ARMC9: variants seen among roughly 807,000 people sequenced by gnomAD.
The protein encoded by ARMC9 is lisH domain-containing protein ARMC9.
Under a neutral mutation model 107.0 loss-of-function variants are expected in ARMC9, and 94 were observed. The ratio of observed to expected loss-of-function variants is 0.88; its 90% CI spans 0.74 to 1.04. The LOEUF (loss-of-function observed/expected upper bound fraction) is 1.04, where lower values mean the gene tolerates loss of function less well. Among genes scored for constraint, ARMC9 ranks in the 50% least tolerant of loss-of-function variants. The probability of loss-of-function intolerance (pLI) is 0.00; values close to 1 mark genes in which losing one functional copy is unlikely to be tolerated. For synonymous variants in ARMC9, 380 were observed against 396.9 expected (o/e 0.96, Z 0.51); for missense variants, 942 against 1,030.1 (o/e 0.91, Z 1.17).
intron 8 of ARMC9, among the ~76,000 whole-genome samples, chr2:231,237,755 A>ATATATATATATG (rs532571320): frequency 2.2e-3 from 48 of 22,036 alleles, no homozygotes; most frequent in African/African-American, 7.0e-3. Context: ...GGCTATATGT[A>ATATATATATATG]TATATATATA....
intron 19 of ARMC9, among the ~76,000 whole-genome samples, chr2:231,330,631 C>T (rs910709496): frequency 6.6e-6 from 1 of 152,168 alleles, no homozygotes; most frequent in Non-Finnish European, 1.5e-5. Flanking sequence ...GAGAACCCAC[C>T]GCCAGGGGTG....
chr2:231,284,421 CCTAA>C (rs1307373571), intron 17 of ARMC9, among the ~76,000 whole-genome samples: 1 of 152,230 alleles, frequency 6.6e-6, no homozygotes, highest in African/African-American at 2.4e-5. Context: ...GCAGCGTAGT[CCTAA>C]CTAAGAGTTG....
rs1456745810 is a variant in ARMC9, at chr2:231,375,864, A to G, written c.*4329A>G. Among the ~76,000 whole-genome samples the G allele has an allele frequency of 6.6e-6, 1 of 152,212 alleles. No homozygotes were observed. The highest frequency in any genetic ancestry group is 6.5e-5 in the Admixed American group (1 of 15,286). On this transcript the variant is annotated 3_prime_UTR_variant, in exon 25 of 25. Coordinates refer to ENST00000611582, the MANE Select transcript of ARMC9 (RefSeq NM_001352754.2). The surrounding 1 kb of genome is among the most constrained non-coding windows in gnomAD (Gnocchi z 4.3). ...ACCCGGGGGTGAGAAAGAAGACAGC[A>G]GGTGTTGTGGGAAGTCAGGGACCCC... is the stretch of plus-strand genomic sequence containing the variant.
rs889050415 is a variant in ARMC9, at chr2:231,360,970, C to A, written c.2261+87C>A. The A allele has an allele frequency of 6.9e-7, 1 of 1,440,140 alleles. No homozygotes were observed. The highest frequency in any genetic ancestry group is 1.4e-5 in the African/African-American group (1 of 69,880). 89.2% of individuals were successfully genotyped at this position (1,440,140 alleles called of 1,614,324 possible). ...CGCCGGATGCAGAGCACCCAGGAGA[C>A]CTGGAAGGCTCCTCTGAGGCCCAGC... On this transcript the variant is annotated intron_variant, in intron 23 of 24. Coordinates refer to ENST00000611582, the MANE Select transcript of ARMC9 (RefSeq NM_001352754.2). The surrounding 1 kb of genome is among the most constrained non-coding windows in gnomAD (Gnocchi z 4.7).
At chr2:231,215,158 G>A (rs916353665) in intron 4 of ARMC9, 157 bp downstream of exon 4, 2 of 724,470 alleles carry the variant, frequency 2.8e-6, no homozygotes, top group East Asian at 2.9e-5. Flanking sequence ...ATTTTCTACT[G>A]TATTCCCAGC....
chr2:231,245,894 C>T (rs1383862829), intron 9 of ARMC9, among the ~76,000 whole-genome samples: 2 of 152,112 alleles, frequency 1.3e-5, no homozygotes, highest in East Asian at 3.9e-4. Context: ...CGAGAGGGGG[C>T]TGTTCCACCC....
chr2:231,235,986 T>G (rs1253338758), intron 8 of ARMC9, among the ~76,000 whole-genome samples: 1 of 152,164 alleles, frequency 6.6e-6, no homozygotes, highest in African/African-American at 2.4e-5. Context: ...GGGGTCTTGC[T>G]TTGTTGCCCA....
At chr2:231,210,799 T>A (rs2032723633) in intron 3 of ARMC9, among the ~76,000 whole-genome samples, 1 of 152,230 alleles carries the variant, frequency 6.6e-6, no homozygotes, top group Admixed American at 6.5e-5. Flanking sequence ...TGTTAACTAT[T>A]CTTATGTGTA....
chr2:231,328,814 C>T (rs59126233), intron 19 of ARMC9, among the ~76,000 whole-genome samples: 2,176 of 126,848 alleles, frequency 0.017, 296 homozygotes, highest in African/African-American at 0.039. Context: ...CTTTTCTTTT[C>T]TTTTCTTTTT....
intron 9 of ARMC9, among the ~76,000 whole-genome samples, chr2:231,252,354 A>G (rs1327977558): frequency 6.6e-6 from 1 of 152,124 alleles, no homozygotes; most frequent in Non-Finnish European, 1.5e-5. Flanking sequence ...GATTCAAGCA[A>G]TTCTCCTTCC....
At chr2:231,353,710 C>T (rs529995769) in intron 21 of ARMC9, among the ~76,000 whole-genome samples, 84 of 151,870 alleles carry the variant, frequency 5.5e-4, no homozygotes, top group Admixed American at 1.7e-3. Flanking sequence ...TCCCTGCCAC[C>T]GGCCACCTTC....
chr2:231,327,399 T>C (rs2043399650), intron 19 of ARMC9, among the ~76,000 whole-genome samples: 1 of 152,360 alleles, frequency 6.6e-6, no homozygotes, highest in Non-Finnish European at 1.5e-5. Context: ...TCTATAATTT[T>C]ATCATTTCCA....
At chr2:231,318,043 C>T (rs111878491) in intron 19 of ARMC9, among the ~76,000 whole-genome samples, 171 of 151,608 alleles carry the variant, frequency 1.1e-3, no homozygotes, top group African/African-American at 3.8e-3. Context: ...GGACAGGTCA[C>T]GCTTTGTTTC....
chr2:231,260,492 A>G (rs1177628780), intron 11 of ARMC9, among the ~76,000 whole-genome samples: 1 of 152,140 alleles, frequency 6.6e-6, no homozygotes. Context: ...ATCCTTAGCA[A>G]TTTCCCATCT....
At chr2:231,327,985 A>G (rs548445648) in intron 19 of ARMC9, among the ~76,000 whole-genome samples, 5 of 151,978 alleles carry the variant, frequency 3.3e-5, no homozygotes, top group African/African-American at 1.2e-4. Flanking sequence ...GTGTTTCGCC[A>G]TGTTGCCCAG....
At chr2:231,282,939 A>G (rs1042788124) in intron 17 of ARMC9, among the ~76,000 whole-genome samples, 15 of 152,248 alleles carry the variant, frequency 9.9e-5, no homozygotes, top group African/African-American at 3.4e-4. Context: ...AGGTGAAAGA[A>G]AGGGGTTGTC....
intron 19 of ARMC9, among the ~76,000 whole-genome samples, chr2:231,309,661 A>C (rs2042226622): frequency 6.6e-6 from 1 of 152,128 alleles, no homozygotes; most frequent in Admixed American, 6.5e-5. Context: ...CATCTAGGGC[A>C]TAGATGTCTT....
At chr2:231,336,131 TAAG>T (rs2044074046) in intron 20 of ARMC9, among the ~76,000 whole-genome samples, 1 of 151,372 alleles carries the variant, frequency 6.6e-6, no homozygotes, top group East Asian at 1.9e-4. Flanking sequence ...CAATTCTTCT[TAAG>T]AAGAATGCCC....
chr2:231,357,130 T>C (rs73098103), intron 22 of ARMC9, among the ~76,000 whole-genome samples: 20,480 of 152,226 alleles, frequency 0.13, 3,238 homozygotes, highest in African/African-American at 0.38. Flanking sequence ...GTTGATGTTA[T>C]TGTTGTTTTC....
Sources: allele counts gnomAD v4.1 joint callset (sites outside exome capture counted in the v4.1 genomes callset), GRCh38; gene constraint gnomAD v4.1.1; non-coding constraint Gnocchi (gnomAD v3.1); transcripts MANE v1.5; gene names NCBI Gene and HGNC (gene_info 2026-07-23, HGNC 2026-07-21).